PRRX2: variants seen among roughly 807,000 people sequenced by gnomAD.
PRRX2 encodes paired mesoderm homeobox protein 2.
Under a neutral mutation model 18.0 loss-of-function variants are expected in PRRX2, and 11 were observed. That is an observed-to-expected ratio of 0.61 (90% confidence interval 0.39 to 1.01). The LOEUF (loss-of-function observed/expected upper bound fraction) is 1.01, where lower values mean the gene tolerates loss of function less well. Among genes scored for constraint, PRRX2 ranks in the 50% least tolerant of loss-of-function variants. The probability of loss-of-function intolerance (pLI) is 0.01; values close to 1 mark genes in which losing one functional copy is unlikely to be tolerated. For missense variants in PRRX2, 387 were observed against 351.0 expected (o/e 1.10, Z -0.82); for synonymous variants, 177 against 154.8 (o/e 1.14, Z -1.06).
At chr9:129,713,085 A>C (rs1012403287) in intron 1 of PRRX2, 2 of 152,180 alleles carry the variant, frequency 1.3e-5, no homozygotes, top group African/African-American at 4.8e-5. Context: ...CTAAGTCCAG[A>C]GCTGTGGGTT....
At chr9:129,704,055 G>T (rs1420095613) in intron 1 of PRRX2, among the ~76,000 whole-genome samples, 1 of 152,220 alleles carries the variant, frequency 6.6e-6, no homozygotes, top group Non-Finnish European at 1.5e-5. Context: ...TTAGGGTGGG[G>T]TCTGTGGACA....
intron 1 of PRRX2, among the ~76,000 whole-genome samples, chr9:129,700,972 G>A (rs1022717026): frequency 2.0e-4 from 31 of 152,346 alleles, no homozygotes; most frequent in African/African-American, 7.2e-4. Context: ...TAGCAAAAAG[G>A]TTCCTTCTGG....
intron 1 of PRRX2, among the ~76,000 whole-genome samples, chr9:129,690,186 G>A (rs1045133544): frequency 2.0e-5 from 3 of 152,120 alleles, no homozygotes; most frequent in East Asian, 3.9e-4. Context: ...TCTCCGCTGC[G>A]ATCCTCTGTT....
chr9:129,682,796 G>T (rs1203648626), intron 1 of PRRX2, among the ~76,000 whole-genome samples: 1 of 152,136 alleles, frequency 6.6e-6, no homozygotes, highest in Non-Finnish European at 1.5e-5. Context: ...GGAGACCCCA[G>T]ACCCGTCCCT....
chr9:129,689,711 C>T lies in PRRX2; in HGVS notation c.259+23585C>T, dbSNP rs1311705363. Among the ~76,000 whole-genome samples, 13 of 150,844 alleles carry T rather than the reference C, an allele frequency of 8.6e-5. No individual in the cohort carries two copies. The East Asian group carries it at 2.4e-3, about 27-fold the overall frequency. ...GGCCTCACTCCGAACCTGTGGAGTC[C>T]GACTCTCCGGGGTGGGGGCGGGGGC... On this transcript the variant is annotated intron_variant, in intron 1 of 3. Transcript: ENST00000372469.
At chr9:129,680,078 C>T (rs1187973560) in intron 1 of PRRX2, among the ~76,000 whole-genome samples, 5 of 152,124 alleles carry the variant, frequency 3.3e-5, no homozygotes, top group Admixed American at 1.3e-4. Context: ...ATTAGCTTTA[C>T]GCCTGCCTCG....
At chr9:129,680,199 C>T (rs866967850) in intron 1 of PRRX2, among the ~76,000 whole-genome samples, 2 of 151,882 alleles carry the variant, frequency 1.3e-5, no homozygotes, top group South Asian at 2.1e-4. Flanking sequence ...GTCAAGAGTT[C>T]GAGACCTGCC....
chr9:129,683,464 G>T (rs916573765), intron 1 of PRRX2, among the ~76,000 whole-genome samples: 23 of 151,788 alleles, frequency 1.5e-4, no homozygotes, highest in Non-Finnish European at 2.6e-4. Flanking sequence ...GGCCGGGCGC[G>T]GTGGCTCACG....
At chr9:129,703,952 C>T (rs1386570204) in intron 1 of PRRX2, among the ~76,000 whole-genome samples, 2 of 152,200 alleles carry the variant, frequency 1.3e-5, no homozygotes, top group African/African-American at 2.4e-5. Context: ...CTGGGCTGCT[C>T]GCCATGAAGG....
At chr9:129,677,428 G>C (rs1832173659) in intron 1 of PRRX2, among the ~76,000 whole-genome samples, 1 of 152,232 alleles carries the variant, frequency 6.6e-6, no homozygotes, top group African/African-American at 2.4e-5. Flanking sequence ...AGCCGCGCGG[G>C]GTTCTCCTGC....
intron 1 of PRRX2, among the ~76,000 whole-genome samples, chr9:129,684,392 G>A (rs1439462332): frequency 6.8e-6 from 1 of 147,344 alleles, no homozygotes; most frequent in Non-Finnish European, 1.5e-5. Context: ...TCCTATAGAG[G>A]AGACACACAC....
intron 1 of PRRX2, among the ~76,000 whole-genome samples, chr9:129,702,288 C>A (rs577240789): frequency 6.6e-6 from 1 of 151,752 alleles, no homozygotes; most frequent in South Asian, 2.1e-4. Context: ...GTCCCAGCTA[C>A]TCGGGAGGCT....
At chr9:129,667,342 G>A (rs894001261) in intron 1 of PRRX2, among the ~76,000 whole-genome samples, 3 of 152,204 alleles carry the variant, frequency 2.0e-5, no homozygotes, top group African/African-American at 7.2e-5. Context: ...ACTCTGGCCC[G>A]GAGGAAAGCA....
chr9:129,699,144 T>G (rs1189134048), intron 1 of PRRX2, among the ~76,000 whole-genome samples: 7 of 152,236 alleles, frequency 4.6e-5, no homozygotes, highest in African/African-American at 1.7e-4. Flanking sequence ...ATCAATAGGC[T>G]GGGCGCAGTG....
In PRRX2 at chr9:129,722,368, G is replaced by A. The variant is rs756907451; in HGVS notation, c.*16G>A. 1.9e-5 allele frequency: 31 copies of A among 1,612,454 alleles called. No homozygotes were observed. Among genetic ancestry groups the A allele is most frequent in the Non-Finnish European group, 2.4e-5 (28 of 1,179,472 alleles). On this transcript the variant is annotated 3_prime_UTR_variant, in exon 4 of 4. Coordinates refer to ENST00000372469, the MANE Select transcript of PRRX2 (RefSeq NM_016307.4). ...GGTGAACTGAAGTCCAGTCCCACCA[G>A]GACCCAGACGCCTCCCTGGGTGGAC... is the stretch of plus-strand genomic sequence containing the variant.
At chr9:129,696,544 C>G (rs913129898) in intron 1 of PRRX2, among the ~76,000 whole-genome samples, 9 of 152,112 alleles carry the variant, frequency 5.9e-5, no homozygotes, top group Non-Finnish European at 1.2e-4. Context: ...CCGCTGCACT[C>G]CAGCCTGCGC....
intron 1 of PRRX2, among the ~76,000 whole-genome samples, chr9:129,681,702 A>G (rs999969293): frequency 1.3e-5 from 2 of 151,832 alleles, no homozygotes; most frequent in Admixed American, 6.6e-5. Flanking sequence ...ACCCCCCAAA[A>G]CCAGAACCAG....
chr9:129,710,898 T>A (rs1832609917), intron 1 of PRRX2, among the ~76,000 whole-genome samples: 1 of 152,114 alleles, frequency 6.6e-6, no homozygotes, highest in African/African-American at 2.4e-5. Context: ...CTCCCCTTCC[T>A]TCTTTTCTGT....
At chr9:129,689,991 T>C (rs1402446124) in intron 1 of PRRX2, among the ~76,000 whole-genome samples, 2 of 151,822 alleles carry the variant, frequency 1.3e-5, no homozygotes. Flanking sequence ...GACCTTGTGA[T>C]CCGCCCGCCT....
Sources: gnomAD v4.1 joint callset for allele counts (sites outside exome capture counted in the v4.1 genomes callset) on GRCh38, gnomAD v4.1.1 for gene constraint, MANE v1.5 for transcripts, NCBI Gene and HGNC (gene_info 2026-07-23, HGNC 2026-07-21) for gene names.